Variants in MAP3K5 observed in about 807,000 individuals in gnomAD.
MAP3K5 encodes mitogen-activated protein kinase kinase kinase 5.
Under a neutral mutation model 158.7 loss-of-function variants are expected in MAP3K5, and 56 were observed. The ratio of observed to expected loss-of-function variants is 0.35; its 90% CI spans 0.28 to 0.44. The LOEUF (loss-of-function observed/expected upper bound fraction) is 0.44, where lower values mean the gene tolerates loss of function less well. Among genes scored for constraint, MAP3K5 ranks in the 20% least tolerant of loss-of-function variants. MAP3K5 has a pLI of 1.00. For missense variants in MAP3K5, 1,294 were observed against 1,674.8 expected, an observed-to-expected ratio of 0.77 and a Z score of 3.97; for synonymous variants, 579 against 601.7, an observed-to-expected ratio of 0.96 and a Z score of 0.55.
intron 1 of MAP3K5, among the ~76,000 whole-genome samples, chr6:136,736,454 C>A (rs1028941853): frequency 6.6e-6 from 1 of 152,090 alleles, no homozygotes; most frequent in East Asian, 1.9e-4. Context: ...TCCTAGCGTA[C>A]GTGTTGACAT....
intron 15 of MAP3K5, among the ~76,000 whole-genome samples, chr6:136,621,076 A>G (rs1484972893): frequency 6.6e-6 from 1 of 152,000 alleles, no homozygotes; most frequent in Non-Finnish European, 1.5e-5. Flanking sequence ...TATATATTAT[A>G]CATTTTGTAG....
intron 1 of MAP3K5, among the ~76,000 whole-genome samples, chr6:136,734,421 GA>G (rs1016817563): frequency 4.9e-3 from 279 of 56,724 alleles, no homozygotes; most frequent in African/African-American, 0.014. Context: ...CTCTGTCTCG[GA>G]AAAAAAAAAA....
chr6:136,667,331 T>C (rs1213160980), intron 8 of MAP3K5, among the ~76,000 whole-genome samples: 1 of 152,232 alleles, frequency 6.6e-6, no homozygotes. Flanking sequence ...ATAGAGTTTT[T>C]AATTTAGTCT....
chr6:136,558,439 A>G (rs1830350792), intron 29 of MAP3K5, among the ~76,000 whole-genome samples: 1 of 152,150 alleles, frequency 6.6e-6, no homozygotes, highest in South Asian at 2.1e-4. Flanking sequence ...ATCAGATTAT[A>G]CCAGGTTTTT....
intron 14 of MAP3K5, chr6:136,637,086 T>G: frequency 7.3e-7 from 1 of 1,375,766 alleles, no homozygotes; most frequent in Non-Finnish European, 9.4e-7. Context: ...AGATAAAGCA[T>G]AGTTACTCGC....
intron 1 of MAP3K5, among the ~76,000 whole-genome samples, chr6:136,738,790 G>A (rs562615958): frequency 3.9e-5 from 6 of 152,196 alleles, no homozygotes; most frequent in African/African-American, 1.2e-4. Context: ...GACGGCTGAT[G>A]GCCTAAGGAA....
At chr6:136,756,280 T>C (rs183966093) in intron 1 of MAP3K5, among the ~76,000 whole-genome samples, 1 of 152,254 alleles carries the variant, frequency 6.6e-6, no homozygotes, top group East Asian at 1.9e-4. Context: ...ATGGTACCTC[T>C]GCACTCCAAA....
At chr6:136,685,949 G>C (rs897919608) in intron 7 of MAP3K5, among the ~76,000 whole-genome samples, 7 of 152,122 alleles carry the variant, frequency 4.6e-5, no homozygotes, top group African/African-American at 1.7e-4. Flanking sequence ...GGGAGGTTGG[G>C]GACAAGGCCA....
intron 28 of MAP3K5, among the ~76,000 whole-genome samples, chr6:136,560,950 TATAAAATAAAATAAAATAAA>T (rs375236222): frequency 9.7e-5 from 14 of 144,686 alleles, no homozygotes; most frequent in African/African-American, 2.9e-4. Context: ...TCCAAAAAAA[TATAAAATAAAATAAAATAAA>T]ATAAAATAAA....
At chr6:136,607,864 A>C (rs1776166278) in intron 18 of MAP3K5, among the ~76,000 whole-genome samples, 1 of 152,206 alleles carries the variant, frequency 6.6e-6, no homozygotes, top group African/African-American at 2.4e-5. Context: ...CCAGATGATA[A>C]ATTATCAGCA....
chr6:136,690,739 C>T (rs955374276), intron 7 of MAP3K5, among the ~76,000 whole-genome samples: 15 of 151,882 alleles, frequency 9.9e-5, no homozygotes, highest in Non-Finnish European at 1.8e-4. Context: ...ATGCATTGTT[C>T]CCTGTGATTT....
At chr6:136,570,561 T>C (rs1266160300) in intron 25 of MAP3K5, among the ~76,000 whole-genome samples, 5 of 152,198 alleles carry the variant, frequency 3.3e-5, no homozygotes, top group Non-Finnish European at 7.3e-5. Flanking sequence ...CATCTTTTGA[T>C]CATAACAAAA....
intron 2 of MAP3K5, among the ~76,000 whole-genome samples, chr6:136,711,846 A>G (rs979325326): frequency 5.9e-5 from 9 of 152,180 alleles, no homozygotes; most frequent in African/African-American, 2.2e-4. Context: ...TTAATAAACC[A>G]AAGCAAACAA....
intron 2 of MAP3K5, among the ~76,000 whole-genome samples, chr6:136,716,788 G>A (rs1781548442): frequency 6.6e-6 from 1 of 152,146 alleles, no homozygotes; most frequent in South Asian, 2.1e-4. Context: ...ATAAACATTA[G>A]TAGGCACGAG....
At chr6:136,684,895 G>C (rs1195056826) in intron 7 of MAP3K5, among the ~76,000 whole-genome samples, 1 of 152,204 alleles carries the variant, frequency 6.6e-6, no homozygotes, top group Admixed American at 6.5e-5. Flanking sequence ...AACATCAAAT[G>C]TTAGAGAACT....
At chr6:136,715,387 G>GAAC in intron 2 of MAP3K5, among the ~76,000 whole-genome samples, 1 of 152,050 alleles carries the variant, frequency 6.6e-6, no homozygotes, top group South Asian at 2.1e-4. Context: ...AATATTTCAA[G>GAAC]TATATAAAAA....
chr6:136,683,815 G>C (rs1357386060), intron 7 of MAP3K5, among the ~76,000 whole-genome samples: 2 of 152,118 alleles, frequency 1.3e-5, no homozygotes, highest in Admixed American at 1.3e-4. Flanking sequence ...CTTCAGGAAG[G>C]AGGGCCTAGG....
intron 1 of MAP3K5, among the ~76,000 whole-genome samples, chr6:136,767,733 A>G (rs1051573190): frequency 2.0e-5 from 3 of 152,354 alleles, no homozygotes; most frequent in South Asian, 2.1e-4. Context: ...AATAGCCTAA[A>G]CAGTCTTGAA....
intron 7 of MAP3K5, among the ~76,000 whole-genome samples, chr6:136,683,423 T>C (rs1051437161): frequency 2.6e-5 from 4 of 152,170 alleles, no homozygotes; most frequent in Non-Finnish European, 4.4e-5. Flanking sequence ...CAATCCCGAG[T>C]AGGGGCAGCC....
Sources: allele counts gnomAD v4.1 joint callset (sites outside exome capture counted in the v4.1 genomes callset), GRCh38; gene constraint gnomAD v4.1.1; transcripts MANE v1.5; gene names NCBI Gene and HGNC (gene_info 2026-07-23, HGNC 2026-07-21).